The following YIF1B variants were observed in gnomAD, a reference collection of about 807,000 sequenced individuals.
YIF1B encodes Yip1 interacting factor homolog B, membrane trafficking protein, also known as protein YIF1B.
YIF1B carries 24 observed loss-of-function variants against 34.6 expected under a neutral mutation model. The ratio of observed to expected loss-of-function variants is 0.69; its 90% CI spans 0.50 to 0.98. The LOEUF is 0.98. Ranked by LOEUF, YIF1B falls within the 50% of genes least tolerant of loss-of-function variation. The pLI, the probability that YIF1B is intolerant of heterozygous loss-of-function variation, is 0.00. For missense variants in YIF1B, 368 were observed against 429.4 expected (o/e 0.86, Z 1.26); for synonymous variants, 186 against 184.8 (o/e 1.01, Z -0.05).
rs1376640703 is a variant in YIF1B at position 38,309,636 on chromosome 19, C to T, written c.66G>A (p.Lys22=). 6.3e-7 allele frequency: 1 copy of T among 1,598,674 alleles called. No individual in the cohort carries two copies. The highest frequency in any genetic ancestry group is 8.5e-7 in the Non-Finnish European group (1 of 1,174,126). The change falls in exon 2 of 8, where the codon AAG becomes AAA. Residue 22 remains lysine (K), a synonymous_variant. Coordinates refer to ENST00000339413, the MANE Select transcript of YIF1B (RefSeq NM_001039672.3). The part of the protein sequence containing the change: ...GTPRLRKWPS[K]RRIPVSQPGM... ...CCGGCTGGGACACAGGGATCCTCCGCTTCGAGGCTGCAAGGGAAGAGAGTG... is the reference window on the plus strand; with the variant it reads ...CCGGCTGGGACACAGGGATCCTCCGTTTCGAGGCTGCAAGGGAAGAGAGTG...
At position 38,309,328 on chromosome 19, in the gene YIF1B, T is replaced by C. The variant is rs1170023592; in HGVS notation, c.298A>G (p.Ile100Val). 4.3e-6 allele frequency: 7 copies of C among 1,614,036 alleles called. No individual in the cohort carries two copies. Among genetic ancestry groups the C allele is most frequent in the Middle Eastern group, 3.3e-4 (2 of 6,058 alleles). ...AQGKELVDKN[I>V]DRFIPITKLK... ...TTGGTGATGGGGATGAAGCGGTCGA[T>C]CTGGGGAGGCAGAGCTCAAGTCTGA... The change falls in exon 3 of 8, where the codon ATC becomes GTC. Residue 100 changes from isoleucine to valine, a missense_variant and splice_region_variant. Physicochemically the swap from Ile to Val is conservative, Grantham distance 29 (BLOSUM62 3). Coordinates refer to ENST00000339413, the MANE Select transcript of YIF1B (RefSeq NM_001039672.3).
intron 1 of YIF1B, among the ~76,000 whole-genome samples, chr19:38,312,708 T>G (rs1236527450): frequency 6.6e-6 from 1 of 151,976 alleles, no homozygotes; most frequent in Non-Finnish European, 1.5e-5. Context: ...TCTCTGCACC[T>G]GGATGTTCTC....
Position 38,315,430 on chromosome 19 carries a change from TG to T in YIF1B, c.58+429del, listed in dbSNP as rs1969505672. The T allele has an allele frequency of 4.6e-6, 6 of 1,301,154 alleles. No homozygotes were observed. The East Asian group carries it at 1.7e-4, about 37-fold the overall frequency. 80.6% of individuals were successfully genotyped at this position (1,301,154 alleles called of 1,614,324 possible). ...GAAACACACAGCACACTCACGGAGATGAAGAGACAGGAAAAGGGGGCCAACA... is the reference window on the plus strand; with the variant it reads ...GAAACACACAGCACACTCACGGAGATAAGAGACAGGAAAAGGGGGCCAACA... On this transcript the variant is annotated intron_variant, in intron 1 of 7. Transcript: ENST00000339413.
upstream of YIF1B, chr19:38,320,350 C>T: frequency 6.9e-7 from 1 of 1,443,946 alleles, no homozygotes; most frequent in Non-Finnish European, 9.5e-7. Context: ...ACCCCGGGGC[C>T]CTCACGAATA....
Position 38,309,340 on chromosome 19 carries a change from G to T in YIF1B, c.298-12C>A. 6.2e-7 allele frequency: 1 copy of T among 1,613,936 alleles called. No individual in the cohort carries two copies. Among genetic ancestry groups the T allele is most frequent in the Non-Finnish European group, 8.5e-7 (1 of 1,179,888 alleles). On this transcript the variant is annotated splice_polypyrimidine_tract_variant and intron_variant, in intron 2 of 7. Coordinates refer to ENST00000339413, the MANE Select transcript of YIF1B (RefSeq NM_001039672.3). ...ATGAAGCGGTCGATCTGGGGAGGCA[G>T]AGCTCAAGTCTGAAGCCCTGTGGCC... is the stretch of plus-strand genomic sequence containing the variant.
chr19:38,313,100 C>T (rs929734940), intron 1 of YIF1B, among the ~76,000 whole-genome samples: 20 of 151,914 alleles, frequency 1.3e-4, no homozygotes, highest in South Asian at 1.2e-3. Flanking sequence ...TATAGGCGCA[C>T]GCCACCAAGC....
At position 38,315,469 on chromosome 19, in the gene YIF1B, T is replaced by G. The variant is rs2145027961; in HGVS notation, c.58+391A>C. On this transcript the variant is annotated intron_variant, in intron 1 of 7. Coordinates refer to ENST00000339413, the MANE Select transcript of YIF1B (RefSeq NM_001039672.3). ...AAGGGGGCCAACAGCACAATACAGG[T>G]TCGCTTCTTAAATGAGCGGTAGGCA... 2.2e-6 allele frequency: 3 copies of G among 1,382,590 alleles called. No homozygotes were observed. The South Asian group carries it at 4.8e-5, about 22-fold the overall frequency. 85.6% of individuals were successfully genotyped at this position (1,382,590 alleles called of 1,614,324 possible).
chr19:38,309,875 TTCATCTACCCAC>T, intron 1 of YIF1B: 1 of 1,394,016 alleles, frequency 7.2e-7, no homozygotes, highest in Non-Finnish European at 9.3e-7. Context: ...TATGCATCCA[TTCATCTACCCAC>T]CCATCCATCC....
intron 1 of YIF1B, 70 bp from the exon 2 acceptor site, chr19:38,309,713 C>T: frequency 6.6e-7 from 1 of 1,523,088 alleles, no homozygotes; most frequent in Non-Finnish European, 8.8e-7. Flanking sequence ...GAACCTCATT[C>T]ATCCCACAGC....
chr19:38,311,079 A>G (rs1316254476), intron 1 of YIF1B, among the ~76,000 whole-genome samples: 2 of 151,986 alleles, frequency 1.3e-5, no homozygotes, highest in Admixed American at 1.3e-4. Context: ...AACCTGATCA[A>G]TGAATAAAGG....
chr19:38,306,065 G>A (rs1016513603), intron 7 of YIF1B, among the ~76,000 whole-genome samples: 1 of 151,900 alleles, frequency 6.6e-6, no homozygotes, highest in Non-Finnish European at 1.5e-5. Context: ...AGCTGGGCGT[G>A]GTGGTGAGTG....
Position 38,305,180 on chromosome 19 carries a change from C to T in YIF1B, c.*172G>A, listed in dbSNP as rs1357434265. On this transcript the variant is annotated 3_prime_UTR_variant, in exon 8 of 8. Transcript: ENST00000339413. Reference sequence around the variant, plus strand: ...CGCCCTGGGGCGGTGGCCTGTGCAGCTGGAGATCTCTCAGCACCTTGGGTT... The same window carrying T: ...CGCCCTGGGGCGGTGGCCTGTGCAGTTGGAGATCTCTCAGCACCTTGGGTT... The T allele has an allele frequency of 1.5e-6, 2 of 1,364,568 alleles. No homozygotes were observed. The highest frequency in any genetic ancestry group is 5.0e-5 in the East Asian group (2 of 39,614). 84.5% of individuals were successfully genotyped at this position (1,364,568 alleles called of 1,614,324 possible). A position where few individuals can be genotyped will look rare whatever the true frequency, so the allele number is the denominator to read the frequency against.
At chr19:38,308,902 G>A (rs1969181524) in intron 4 of YIF1B, 53 bp from the exon 5 acceptor site, 1 of 1,613,384 alleles carries the variant, frequency 6.2e-7, no homozygotes, top group Admixed American at 1.7e-5. Flanking sequence ...ACTGCCCTGG[G>A]CCTCCAGGCA....
intron 1 of YIF1B, among the ~76,000 whole-genome samples, chr19:38,310,152 C>G (rs1969263403): frequency 2.7e-5 from 4 of 150,254 alleles, no homozygotes; most frequent in Admixed American, 2.0e-4. Flanking sequence ...ATCCATCTAC[C>G]CACCCACCCA....
At chr19:38,306,403 G>T (rs114285267) in intron 7 of YIF1B, among the ~76,000 whole-genome samples, 18,249 of 151,852 alleles carry the variant, frequency 0.12, 1,336 homozygotes, top group South Asian at 0.21. Flanking sequence ...TAGAGATGGG[G>T]TCTTGCTATG....
intron 7 of YIF1B, chr19:38,306,765 TC>T (rs1317328246): frequency 3.3e-6 from 1 of 298,646 alleles, no homozygotes; most frequent in Non-Finnish European, 6.7e-6. Flanking sequence ...CACTGCAACC[TC>T]CACCTCCTGG....
chr19:38,307,061 CCA>C, intron 7 of YIF1B: 10 of 493,522 alleles, frequency 2.0e-5, no homozygotes, highest in Middle Eastern at 3.1e-4. Flanking sequence ...CCTGCAGACC[CCA>C]GTGCTCTTCA....
upstream of YIF1B, chr19:38,320,123 C>A (rs1358372671): frequency 6.3e-7 from 1 of 1,584,810 alleles, no homozygotes; most frequent in Non-Finnish European, 8.5e-7. Flanking sequence ...GCTGCCCCCG[C>A]CCTGGACGCC....
At chr19:38,312,829 C>T (rs73635719) in intron 1 of YIF1B, among the ~76,000 whole-genome samples, 5,273 of 152,266 alleles carry the variant, frequency 0.035, 267 homozygotes, top group African/African-American at 0.12. Flanking sequence ...CAGCTACTAG[C>T]CTCGAACCCT....
Sources: allele counts gnomAD v4.1 joint callset (sites outside exome capture counted in the v4.1 genomes callset), GRCh38; gene constraint gnomAD v4.1.1; transcripts MANE v1.5; gene names NCBI Gene and HGNC (gene_info 2026-07-23, HGNC 2026-07-21).